The following CREBRF variants were observed in gnomAD, a reference collection of about 807,000 sequenced individuals.
The protein encoded by CREBRF is UPF0474 protein C5orf41.
Under a neutral mutation model 66.1 loss-of-function variants are expected in CREBRF, and 5 were observed. That is an observed-to-expected ratio of 0.08 (90% confidence interval 0.04 to 0.16). CREBRF has a LOEUF of 0.16. CREBRF is among the 10% of genes least tolerant of loss of function. CREBRF has a pLI of 1.00. For missense variants in CREBRF, 531 were observed against 744.9 expected (o/e 0.71, Z 3.34); for synonymous variants, 229 against 264.4 (o/e 0.87, Z 1.30).
At chr5:173,065,767 C>T (rs1191256305) in intron 1 of CREBRF, among the ~76,000 whole-genome samples, 1 of 151,078 alleles carries the variant, frequency 6.6e-6, no homozygotes, top group Non-Finnish European at 1.5e-5. Flanking sequence ...CTCAGCCTCA[C>T]GAGTAGCTGA....
chr5:173,074,854 C>T (rs994399866), intron 1 of CREBRF, among the ~76,000 whole-genome samples: 1 of 152,112 alleles, frequency 6.6e-6, no homozygotes, highest in Non-Finnish European at 1.5e-5. Flanking sequence ...CTCCTGACCT[C>T]ACGTGATCTG....
intron 3 of CREBRF, among the ~76,000 whole-genome samples, chr5:173,089,446 TA>T (rs147204079): frequency 0.038 from 5,708 of 152,022 alleles, 135 homozygotes; most frequent in South Asian, 0.09. Flanking sequence ...CTTTTAAAAA[TA>T]AAAATATATG....
rs755180300 is a variant in CREBRF at position 173,091,105 on chromosome 5, G to T, written c.926G>T (p.Gly309Val). 6.2e-7 allele frequency: 1 copy of T among 1,614,136 alleles called. No individual in the cohort carries two copies. Among genetic ancestry groups the T allele is most frequent in the Non-Finnish European group, 8.5e-7 (1 of 1,180,036 alleles). ...AGTCCCCTGCCCCAGGAAGGTCCTG[G>T]GTCACTTGCAGCAGGAGAGAGCAGC... is the stretch of plus-strand genomic sequence containing the variant. Reference protein sequence around the residue: ...LLSPLPQEGPGSLAAGESSSL... With the variant: ...LLSPLPQEGPVSLAAGESSSL... Residue 309 changes from glycine to valine, a missense_variant, in exon 4 of 9, where the codon GGG becomes GTG. Coordinates refer to ENST00000296953, the MANE Select transcript of CREBRF (RefSeq NM_153607.3).
chr5:173,080,058 T>G (rs1757892143), intron 1 of CREBRF, among the ~76,000 whole-genome samples: 2 of 152,234 alleles, frequency 1.3e-5, no homozygotes. Context: ...ACTGAAAGAA[T>G]AATGTTGGCA....
At chr5:173,096,843 T>C (rs949915737) in intron 4 of CREBRF, among the ~76,000 whole-genome samples, 13 of 152,200 alleles carry the variant, frequency 8.5e-5, no homozygotes, top group African/African-American at 2.7e-4. Flanking sequence ...ACATGTTCTT[T>C]CCATATCTAT....
intron 1 of CREBRF, among the ~76,000 whole-genome samples, chr5:173,056,812 G>T (rs1176453855): frequency 1.3e-5 from 2 of 150,704 alleles, no homozygotes; most frequent in Admixed American, 6.6e-5. Flanking sequence ...GGGCCGCCCG[G>T]CCCTTCCCCG....
Position 173,131,977 on chromosome 5 carries a change from A to C in CREBRF, c.1805-1653A>C, listed in dbSNP as rs190305499. Among the ~76,000 whole-genome samples the C allele has an allele frequency of 6.0e-3, 897 of 150,256 alleles. 13 individuals carry two copies. Among genetic ancestry groups the C allele is most frequent in the African/African-American group, 0.021 (835 of 40,688 alleles). On this transcript the variant is annotated intron_variant, in intron 8 of 8. Coordinates refer to ENST00000296953, the MANE Select transcript of CREBRF (RefSeq NM_153607.3). Reference sequence around the variant, plus strand: ...CAAACTCCTGACCTGTGCTCTGCCCACTTCGGCCTCCTAAAGTGCTGAGAT... The same window carrying C: ...CAAACTCCTGACCTGTGCTCTGCCCCCTTCGGCCTCCTAAAGTGCTGAGAT...
At chr5:173,068,022 A>AT (rs1757486966) in intron 1 of CREBRF, 2 of 341,514 alleles carry the variant, frequency 5.9e-6, no homozygotes, top group African/African-American at 4.4e-5. Flanking sequence ...TCTTCAGTTA[A>AT]TTTTGTCTTC....
At chr5:173,089,713 T>C (rs1045523814) in intron 3 of CREBRF, among the ~76,000 whole-genome samples, 1 of 151,992 alleles carries the variant, frequency 6.6e-6, no homozygotes, top group Non-Finnish European at 1.5e-5. Flanking sequence ...TGAGGAGTAT[T>C]TTACTCTGCC....
At position 173,108,775 on chromosome 5, in the gene CREBRF, T is replaced by C. The variant is rs1435176980; in HGVS notation, c.1374T>C (p.Asp458=). 1.9e-6 allele frequency: 3 copies of C among 1,613,660 alleles called. No individual in the cohort carries two copies. The highest frequency in any genetic ancestry group is 1.1e-5 in the South Asian group (1 of 90,946). The part of the protein sequence containing the change: ...RMLRPSEWNR[D]TLPSNMYQKN... ...TGAGACCATCTGAGTGGAACCGAGA[T>C]ACTTTGCCAAGTAATATGTATCAGA... is the stretch of plus-strand genomic sequence containing the variant. Residue 458 remains aspartate, a synonymous_variant, in exon 5 of 9, where the codon GAT becomes GAC. Transcript: ENST00000296953.
At chr5:173,111,680 C>A (rs1758873328) in intron 6 of CREBRF, among the ~76,000 whole-genome samples, 1 of 152,150 alleles carries the variant, frequency 6.6e-6, no homozygotes, top group South Asian at 2.1e-4. Context: ...ATTTGGGTTG[C>A]CTCCAGTTTT....
chr5:173,081,652 G>T (rs187790928), intron 2 of CREBRF, among the ~76,000 whole-genome samples: 17 of 152,186 alleles, frequency 1.1e-4, no homozygotes, highest in African/African-American at 4.1e-4. Context: ...GCTAGGCACA[G>T]TGGCTCACGC....
Position 173,135,146 on chromosome 5 carries a change from G to A in CREBRF, c.*1401G>A, listed in dbSNP as rs545641800. The A allele has an allele frequency of 6.6e-6, 1 of 152,444 alleles. No homozygotes were observed. The highest frequency in any genetic ancestry group is 2.1e-4 in the South Asian group (1 of 4,820). The allele number at this position is 152,444 out of a possible 1,614,324, so 9.4% of individuals were successfully genotyped here. A position where few individuals can be genotyped will look rare whatever the true frequency, so the allele number is the denominator to read the frequency against. On this transcript the variant is annotated 3_prime_UTR_variant, in exon 9 of 9. Coordinates refer to ENST00000296953, the MANE Select transcript of CREBRF (RefSeq NM_153607.3). The stretch of plus-strand genomic sequence containing the variant: ...TTTAGTTGCCACTTTTCCGATTGAT[G>A]TATTATTGTGCATGTAATATTTTCA...
At chr5:173,112,112 A>C (rs929324617) in intron 6 of CREBRF, among the ~76,000 whole-genome samples, 194 bp from the exon 7 acceptor site, 1 of 152,204 alleles carries the variant, frequency 6.6e-6, no homozygotes, top group Non-Finnish European at 1.5e-5. Context: ...TTCACTTAAA[A>C]AAGAAAGCAG....
intron 1 of CREBRF, chr5:173,060,210 A>T (rs1027271213): frequency 6.6e-6 from 1 of 150,526 alleles, no homozygotes; most frequent in Non-Finnish European, 1.5e-5. Flanking sequence ...ATATTTATTT[A>T]AAAAATACAT....
At chr5:173,059,530 C>T (rs1467286749) in intron 1 of CREBRF, among the ~76,000 whole-genome samples, 2 of 152,158 alleles carry the variant, frequency 1.3e-5, no homozygotes, top group Non-Finnish European at 2.9e-5. Context: ...TCCCAAAGTG[C>T]TGGGATTACA....
chr5:173,092,093 A>C, intron 4 of CREBRF: 2 of 786,860 alleles, frequency 2.5e-6, no homozygotes, highest in Non-Finnish European at 3.1e-6. Flanking sequence ...ATAACAACAA[A>C]AAATAATAAA....
At chr5:173,096,430 C>T (rs1239582828) in intron 4 of CREBRF, among the ~76,000 whole-genome samples, 3 of 87,876 alleles carry the variant, frequency 3.4e-5, no homozygotes, top group Non-Finnish European at 8.1e-5. Context: ...CCCTTCCCTT[C>T]CCTTCCCTCC....
chr5:173,124,885 T>A (rs187527291), intron 8 of CREBRF, among the ~76,000 whole-genome samples: 15 of 151,484 alleles, frequency 9.9e-5, no homozygotes, highest in Admixed American at 4.0e-4. Flanking sequence ...TCTCTTTTCT[T>A]CTTCTTTCTT....
Sources: allele counts gnomAD v4.1 joint callset (sites outside exome capture counted in the v4.1 genomes callset), GRCh38; gene constraint gnomAD v4.1.1; transcripts MANE v1.5; gene names NCBI Gene and HGNC (gene_info 2026-07-23, HGNC 2026-07-21).